Variants in PCGF3 observed in about 807,000 individuals in gnomAD.
The protein encoded by PCGF3 is polycomb group RING finger protein 3.
A neutral mutation model predicts 33.1 loss-of-function variants in PCGF3; 7 were observed. The observed-to-expected ratio is 0.21, with a 90% confidence interval of 0.12 to 0.40. PCGF3 has a LOEUF of 0.40. Ranked by LOEUF, PCGF3 falls within the 10% of genes least tolerant of loss-of-function variation. The pLI, the probability that PCGF3 is intolerant of heterozygous loss-of-function variation, is 1.00. For missense variants in PCGF3, 211 were observed against 313.3 expected (o/e 0.67, Z 2.46); for synonymous variants, 153 against 121.3 (o/e 1.26, Z -1.72).
At chr4:733,049 G>A (rs945518629) in intron 3 of PCGF3, among the ~76,000 whole-genome samples, 1 of 147,116 alleles carries the variant, frequency 6.8e-6, no homozygotes, top group Non-Finnish European at 1.5e-5. Context: ...GGTAGGGTGG[G>A]GCCCCTGCCG....
At chr4:752,031 C>T (rs965254565) in intron 8 of PCGF3, among the ~76,000 whole-genome samples, 1 of 152,296 alleles carries the variant, frequency 6.6e-6, no homozygotes, top group Non-Finnish European at 1.5e-5. Context: ...TATTTACTCA[C>T]AACGATGTCT....
intron 8 of PCGF3, among the ~76,000 whole-genome samples, chr4:755,291 GTATCTGTGT>G (rs1744719684): frequency 6.6e-6 from 1 of 151,800 alleles, no homozygotes; most frequent in Admixed American, 6.6e-5. Context: ...GTGTTCCACG[GTATCTGTGT>G]TATTTCTGAT....
intron 1 of PCGF3, among the ~76,000 whole-genome samples, chr4:726,652 C>G (rs1260102769): frequency 6.6e-6 from 1 of 152,144 alleles, no homozygotes; most frequent in Non-Finnish European, 1.5e-5. Context: ...TCACGGTCGC[C>G]TTTTCCATTG....
chr4:761,694 C>A (rs1313820373), intron 9 of PCGF3: 1 of 985,272 alleles, frequency 1.0e-6, no homozygotes, highest in African/African-American at 1.7e-5. Context: ...AAAGGTTTTC[C>A]TCAAAACGAG....
intron 10 of PCGF3, 75 bp from the exon 11 acceptor site, chr4:765,957 A>C: frequency 7.4e-7 from 1 of 1,358,866 alleles, no homozygotes; most frequent in Non-Finnish European, 1.1e-6. Flanking sequence ...ATTCCTCAGC[A>C]CCCTTCCCGA....
rs552255007 is a variant in PCGF3, at chr4:719,101, C to T, written c.-189-11529C>T. 1.4e-4 allele frequency among the ~76,000 whole-genome samples: 22 copies of T among 152,120 alleles called. No individual in the cohort carries two copies. In the South Asian group the frequency reaches 1.7e-3, roughly 11 times the overall value. ...TCCTGAGTAGCTGGGACTACAGGCA[C>T]GTGCCACCATGCCCGGCTATTTTTT... On this transcript the variant is annotated intron_variant, in intron 1 of 10. Coordinates refer to ENST00000362003, the Ensembl canonical transcript of PCGF3.
At chr4:752,370 T>G (rs1213120990) in intron 8 of PCGF3, among the ~76,000 whole-genome samples, 1 of 152,260 alleles carries the variant, frequency 6.6e-6, no homozygotes, top group Non-Finnish European at 1.5e-5. Context: ...GCTCTCATCT[T>G]TTTTTAAGTA....
At chr4:751,015 G>C (rs1744487545) in intron 8 of PCGF3, among the ~76,000 whole-genome samples, 1 of 152,090 alleles carries the variant, frequency 6.6e-6, no homozygotes, top group Non-Finnish European at 1.5e-5. Flanking sequence ...CTCTTTGATA[G>C]GAGAGTTTAA....
At chr4:744,570 T>A (rs1433738230) in intron 7 of PCGF3, 30 bp from the exon 8 acceptor site, 1 of 1,494,524 alleles carries the variant, frequency 6.7e-7, no homozygotes, top group African/African-American at 1.4e-5. Flanking sequence ...TTGGATTTCA[T>A]GGTGCGCTAT....
intron 9 of PCGF3, chr4:762,121 C>G (rs1745094503): frequency 2.0e-6 from 2 of 982,570 alleles, no homozygotes. Flanking sequence ...GTGGTGGCCC[C>G]AGAAGATAAG....
chr4:725,566 GGGCTGCCGAA>G (rs1450868792), intron 1 of PCGF3, among the ~76,000 whole-genome samples: 1 of 135,390 alleles, frequency 7.4e-6, no homozygotes, highest in Non-Finnish European at 1.7e-5. Flanking sequence ...GTGGCTCCGT[GGGCTGCCGAA>G]GGCTGCTGTG....
chr4:760,533 A>G (rs537789551), intron 8 of PCGF3, among the ~76,000 whole-genome samples: 1 of 152,086 alleles, frequency 6.6e-6, no homozygotes, highest in East Asian at 1.9e-4. Context: ...TCCCTTTTGT[A>G]TCTTTTGTAA....
At chr4:737,491 G>A (rs1476416930) in exon 6 of PCGF3, 1 of 1,611,100 alleles carries the variant, frequency 6.2e-7, no homozygotes, top group Non-Finnish European at 8.5e-7. Context: ...GCAAGATATT[G>A]TTTACAAATT....
intron 9 of PCGF3, chr4:761,665 G>A (rs1166218309): frequency 5.1e-6 from 5 of 985,204 alleles, no homozygotes; most frequent in Non-Finnish European, 4.8e-6. Context: ...GGGATGATGA[G>A]ACTGTTTTAA....
intron 8 of PCGF3, 88 bp from the exon 9 acceptor site, chr4:761,191 A>G: frequency 1.8e-6 from 2 of 1,134,164 alleles, no homozygotes; most frequent in Non-Finnish European, 2.4e-6. Flanking sequence ...TCCTAGATTG[A>G]GGAATTAGTG....
intron 8 of PCGF3, among the ~76,000 whole-genome samples, chr4:753,992 G>A (rs534593047): frequency 3.9e-5 from 6 of 152,300 alleles, no homozygotes; most frequent in African/African-American, 1.2e-4. Flanking sequence ...GGACTTCAGG[G>A]GCGTTCTGGG....
chr4:743,008 G>T (rs867653996), intron 6 of PCGF3, among the ~76,000 whole-genome samples: 2 of 152,232 alleles, frequency 1.3e-5, no homozygotes, highest in African/African-American at 2.4e-5. Context: ...AGGAGCGTGG[G>T]GGGAACCCAG....
Position 717,038 on chromosome 4 carries a change from G to T in PCGF3, c.-190+11068G>T, listed in dbSNP as rs375569347. On this transcript the variant is annotated intron_variant, in intron 1 of 10. Transcript: ENST00000362003. ...GTGCTGGGACCCTGTAGACACTGAG[G>T]GTGAGAACTGGGCGTCGGTGCTGGG... 6.4e-3 allele frequency among the ~76,000 whole-genome samples: 442 copies of T among 68,672 alleles called. 6 individuals are homozygous for T. The highest frequency in any genetic ancestry group is 0.011 in the African/African-American group (207 of 19,166). 45.1% of individuals were successfully genotyped at this position (68,672 alleles called of 152,430 possible).
In PCGF3 at chr4:732,757, G is replaced by C. The variant is rs528411512; in HGVS notation, c.-9-915G>C. ...TTTCCGTCCCCACTGAGGGAAACTC[G>C]TGCCTGCTGCTCCCCTGGTGAAAGG... On this transcript the variant is annotated intron_variant, in intron 3 of 10. Coordinates refer to ENST00000362003, the Ensembl canonical transcript of PCGF3. Among the ~76,000 whole-genome samples the C allele has an allele frequency of 3.3e-5, 5 of 152,330 alleles. No individual in the cohort carries two copies. The Middle Eastern group carries it at 0.014, about 415-fold the overall frequency.
Sources: allele counts gnomAD v4.1 joint callset (sites outside exome capture counted in the v4.1 genomes callset), GRCh38; gene constraint gnomAD v4.1.1; transcripts MANE v1.5; gene names NCBI Gene and HGNC (gene_info 2026-07-23, HGNC 2026-07-21).